RBMS1: variants seen among roughly 807,000 people sequenced by gnomAD.
RBMS1 encodes RNA-binding motif, single-stranded-interacting protein 1.
In RBMS1, 17 loss-of-function variants were observed where a neutral mutation model predicts 62.3. The ratio of observed to expected loss-of-function variants is 0.27; its 90% CI spans 0.19 to 0.41. RBMS1 has a LOEUF of 0.41. Among genes scored for constraint, RBMS1 ranks in the 10% least tolerant of loss-of-function variants. RBMS1 has a pLI of 1.00. For synonymous variants in RBMS1, 172 were observed against 170.0 expected (o/e 1.01, Z -0.09); for missense variants, 334 against 504.5 (o/e 0.66, Z 3.24).
At chr2:160,447,992 T>C (rs1006751307) in intron 1 of RBMS1, among the ~76,000 whole-genome samples, 2 of 152,202 alleles carry the variant, frequency 1.3e-5, no homozygotes, top group East Asian at 1.9e-4. Context: ...AAAAATATTG[T>C]TATAAATAGG....
intron 1 of RBMS1, 99 bp from the exon 2 acceptor site, chr2:160,367,490 T>G: frequency 6.6e-7 from 1 of 1,516,274 alleles, no homozygotes. Context: ...TACTTTAAGC[T>G]ACTTTGAGTT....
At chr2:160,423,779 A>G (rs10754966) in intron 1 of RBMS1, among the ~76,000 whole-genome samples, 38,637 of 151,940 alleles carry the variant, frequency 0.25, 5,795 homozygotes, top group East Asian at 0.59. Context: ...AACTTCCTTG[A>G]GGTCCTGTGT....
intron 1 of RBMS1, among the ~76,000 whole-genome samples, chr2:160,454,493 A>G (rs1402517695): frequency 6.6e-6 from 1 of 152,258 alleles, no homozygotes; most frequent in East Asian, 1.9e-4. Flanking sequence ...TGCCTCTCTA[A>G]GGAAGCAACT....
intron 1 of RBMS1, among the ~76,000 whole-genome samples, chr2:160,489,484 T>C (rs906831153): frequency 6.6e-6 from 1 of 152,178 alleles, no homozygotes; most frequent in Non-Finnish European, 1.5e-5. Flanking sequence ...GAGAAACAGA[T>C]TGATACAATA....
At chr2:160,412,814 G>A (rs1305864955) in intron 1 of RBMS1, among the ~76,000 whole-genome samples, 2 of 152,218 alleles carry the variant, frequency 1.3e-5, no homozygotes, top group Non-Finnish European at 2.9e-5. Context: ...CAGATAGAAG[G>A]CTAGCATGAG....
chr2:160,422,077 TC>T (rs1480679148), intron 1 of RBMS1, among the ~76,000 whole-genome samples: 2 of 152,214 alleles, frequency 1.3e-5, no homozygotes, highest in Non-Finnish European at 2.9e-5. Flanking sequence ...AATCTACTGT[TC>T]AGCTGTAAAA....
chr2:160,322,490 A>G (rs1470296829), intron 2 of RBMS1, among the ~76,000 whole-genome samples: 1 of 152,228 alleles, frequency 6.6e-6, no homozygotes, highest in Non-Finnish European at 1.5e-5. Flanking sequence ...GACATTTATC[A>G]GTTTTACTTT....
intron 6 of RBMS1, 102 bp downstream of exon 6, chr2:160,300,549 G>A: frequency 7.3e-7 from 1 of 1,375,528 alleles, no homozygotes; most frequent in Non-Finnish European, 9.5e-7. Flanking sequence ...ATCTTAAAGA[G>A]TGAAATGAGG....
chr2:160,331,868 G>A (rs1181371581), intron 2 of RBMS1, among the ~76,000 whole-genome samples: 1 of 152,132 alleles, frequency 6.6e-6, no homozygotes, highest in Non-Finnish European at 1.5e-5. Context: ...AACTAGCCTG[G>A]GTCAGGGAGG....
intron 6 of RBMS1, among the ~76,000 whole-genome samples, chr2:160,298,398 G>C (rs1689050581): frequency 6.6e-6 from 1 of 152,154 alleles, no homozygotes; most frequent in African/African-American, 2.4e-5. Context: ...GCCAGGATGA[G>C]AGATGAATGA....
chr2:160,319,870 T>C (rs1355955881), intron 2 of RBMS1, among the ~76,000 whole-genome samples: 6 of 152,248 alleles, frequency 3.9e-5, no homozygotes, highest in Non-Finnish European at 5.9e-5. Flanking sequence ...TGTAATCATG[T>C]AATCAAATGA....
chr2:160,307,721 G>GA, intron 4 of RBMS1, among the ~76,000 whole-genome samples: 1 of 152,146 alleles, frequency 6.6e-6, no homozygotes, highest in South Asian at 2.1e-4. Context: ...CCCAAGCTTG[G>GA]AAAAAAGTTA....
At chr2:160,451,158 G>GAAAAAAAA (rs71006607) in intron 1 of RBMS1, among the ~76,000 whole-genome samples, 10,788 of 126,958 alleles carry the variant, frequency 0.085, 545 homozygotes, top group Admixed American at 0.2. Context: ...CCATGCTTCA[G>GAAAAAAAA]AAAAAAAAAA....
At chr2:160,480,912 C>G (rs1012645363) in intron 1 of RBMS1, among the ~76,000 whole-genome samples, 3 of 151,796 alleles carry the variant, frequency 2.0e-5, no homozygotes, top group African/African-American at 4.8e-5. Flanking sequence ...AACCCCATCT[C>G]TACTAAAAAT....
intron 2 of RBMS1, among the ~76,000 whole-genome samples, chr2:160,319,660 T>C (rs1192363073): frequency 6.6e-6 from 1 of 152,244 alleles, no homozygotes; most frequent in Non-Finnish European, 1.5e-5. Flanking sequence ...TACTTTAATT[T>C]TCTCATGAAT....
chr2:160,485,300 A>C (rs1685552578), intron 1 of RBMS1, among the ~76,000 whole-genome samples: 1 of 152,162 alleles, frequency 6.6e-6, no homozygotes, highest in Non-Finnish European at 1.5e-5. Context: ...CTCCCCTGCC[A>C]TAAAAGGGCA....
chr2:160,351,151 G>A (rs1692473784), intron 2 of RBMS1, among the ~76,000 whole-genome samples: 1 of 142,268 alleles, frequency 7.0e-6, no homozygotes, highest in Admixed American at 7.1e-5. Flanking sequence ...ACAGGAAGGG[G>A]AACACCACAC....
At chr2:160,460,379 A>G (rs1380145742) in intron 1 of RBMS1, among the ~76,000 whole-genome samples, 2 of 152,184 alleles carry the variant, frequency 1.3e-5, no homozygotes. Flanking sequence ...GCAGATGACA[A>G]TATATTTAAT....
intron 1 of RBMS1, among the ~76,000 whole-genome samples, chr2:160,467,130 A>G (rs1449273816): frequency 2.0e-5 from 3 of 152,126 alleles, no homozygotes; most frequent in Non-Finnish European, 4.4e-5. Context: ...AGTGAAGACT[A>G]TAAGTCAGGA....
Sources: allele counts gnomAD v4.1 joint callset (sites outside exome capture counted in the v4.1 genomes callset), GRCh38; gene constraint gnomAD v4.1.1; transcripts MANE v1.5; gene names NCBI Gene and HGNC (gene_info 2026-07-23, HGNC 2026-07-21).